The following PCDHA2 variants were observed in gnomAD, a reference collection of about 807,000 sequenced individuals.
The protein encoded by PCDHA2 is protocadherin alpha 2, also known as protocadherin alpha-2.
PCDHA2 carries 58 observed loss-of-function variants against 66.0 expected under a neutral mutation model. That is an observed-to-expected ratio of 0.88 (90% CI 0.71 to 1.09). The LOEUF is 1.09. Ranked by LOEUF, PCDHA2 falls within the 50% of genes least tolerant of loss-of-function variation. The pLI is 0.00. For missense variants in PCDHA2, 1,267 were observed against 1,242.3 expected, an observed-to-expected ratio of 1.02 and a Z score of -0.30; for synonymous variants, 634 against 554.0, an observed-to-expected ratio of 1.14 and a Z score of -2.03.
intron 1 of PCDHA2, chr5:140,829,364 G>A: frequency 6.2e-7 from 1 of 1,614,244 alleles, no homozygotes; most frequent in Non-Finnish European, 8.5e-7. Context: ...TGAGTTGGTG[G>A]TAACCGCGCG....
chr5:140,876,862 G>A (rs1554169053), intron 1 of PCDHA2: 2 of 1,614,168 alleles, frequency 1.2e-6, no homozygotes, highest in Non-Finnish European at 1.7e-6. Context: ...CACAGTGTTC[G>A]TGAAGGAGAA....
chr5:140,937,378 G>T (rs1248709474), intron 1 of PCDHA2, among the ~76,000 whole-genome samples: 1 of 152,130 alleles, frequency 6.6e-6, no homozygotes, highest in African/African-American at 2.4e-5. Context: ...GTTTATGTGT[G>T]TGTATGTGTA....
chr5:140,874,772 T>C (rs2055099588), intron 1 of PCDHA2, among the ~76,000 whole-genome samples: 1 of 152,270 alleles, frequency 6.6e-6, no homozygotes, highest in South Asian at 2.1e-4. Flanking sequence ...TCCATATTTA[T>C]GATGAATTCT....
At chr5:140,855,255 A>G (rs2043396159) in intron 1 of PCDHA2, among the ~76,000 whole-genome samples, 1 of 149,836 alleles carries the variant, frequency 6.7e-6, no homozygotes, top group Non-Finnish European at 1.5e-5. Context: ...AGCACTTACT[A>G]TATTATAATT....
At chr5:140,855,766 C>T in intron 1 of PCDHA2, 2 of 379,872 alleles carry the variant, frequency 5.3e-6, no homozygotes, top group South Asian at 9.3e-5. Flanking sequence ...AGTCCATAGA[C>T]ATAAAAATAC....
chr5:140,881,680 T>G (rs1391876461), intron 1 of PCDHA2, among the ~76,000 whole-genome samples: 1 of 152,268 alleles, frequency 6.6e-6, no homozygotes. Flanking sequence ...GTGATTGTTA[T>G]GTTTCCTTTT....
chr5:140,980,057 C>T (rs559895684), intron 2 of PCDHA2, among the ~76,000 whole-genome samples: 2 of 152,272 alleles, frequency 1.3e-5, no homozygotes, highest in East Asian at 3.9e-4. Context: ...GATTCAGAAG[C>T]AATCAGTGAA....
chr5:140,822,226 T>C, intron 1 of PCDHA2: 1 of 1,614,276 alleles, frequency 6.2e-7, no homozygotes, highest in Non-Finnish European at 8.5e-7. Context: ...AGATTCGCGG[T>C]TTCCGCTAGA....
At position 140,847,175 on chromosome 5, in the gene PCDHA2, G is replaced by A. The variant is rs1238681114; in HGVS notation, c.2388+49823G>A. ...TGATTTCTGAGTAATAAACTAAAGG[G>A]CCATGAGTGATTAAGGAATTTGGCC... is the stretch of plus-strand genomic sequence containing the variant. On this transcript the variant is annotated intron_variant, in intron 1 of 3. Transcript: ENST00000526136. Among the ~76,000 whole-genome samples the A allele has an allele frequency of 4.0e-5, 6 of 149,412 alleles. 2 individuals are homozygous for A. The highest frequency in any genetic ancestry group is 9.0e-5 in the Non-Finnish European group (6 of 66,808).
chr5:140,828,511 G>T lies in PCDHA2; in HGVS notation c.2388+31159G>T, dbSNP rs2150156254. ...TGTTCCCGGTAGAGGAACAAAGAGTGCTGATTTACGAATCTAGGCTGCCAG... is the reference window on the plus strand; with the variant it reads ...TGTTCCCGGTAGAGGAACAAAGAGTTCTGATTTACGAATCTAGGCTGCCAG... On this transcript the variant is annotated intron_variant, in intron 1 of 3. Transcript: ENST00000526136. 9 of 1,614,130 alleles carry T rather than the reference G, an allele frequency of 5.6e-6. No individual in the cohort carries two copies. The Admixed American group carries it at 1.3e-4, about 24-fold the overall frequency.
intron 3 of PCDHA2, among the ~76,000 whole-genome samples, chr5:141,009,035 G>A (rs1455230382): frequency 2.6e-5 from 4 of 152,106 alleles, no homozygotes; most frequent in Non-Finnish European, 2.9e-5. Flanking sequence ...TTCCCATCCC[G>A]TTCCCAGTCA....
intron 1 of PCDHA2, among the ~76,000 whole-genome samples, chr5:140,947,064 A>G (rs1554218040): frequency 6.6e-6 from 1 of 151,738 alleles, no homozygotes; most frequent in African/African-American, 2.4e-5. Flanking sequence ...TACACAGTGT[A>G]TATATGTATT....
At chr5:140,802,405 A>G (rs1554122100) in intron 1 of PCDHA2, 2 of 1,614,188 alleles carry the variant, frequency 1.2e-6, no homozygotes, top group Non-Finnish European at 1.7e-6. Flanking sequence ...ACCTTCAAGA[A>G]TTACTACTCA....
intron 1 of PCDHA2, among the ~76,000 whole-genome samples, chr5:140,963,886 T>C (rs1211703076): frequency 6.6e-6 from 1 of 152,236 alleles, no homozygotes; most frequent in African/African-American, 2.4e-5. Flanking sequence ...TTGTTTTCCT[T>C]AATTAAAATG....
rs548269849 is a variant in PCDHA2, at chr5:140,806,103, A to G, written c.2388+8751A>G. The stretch of plus-strand genomic sequence containing the variant: ...TAAAAGAAGAAAAAATACCTGTTCA[A>G]TTGGTTTGATCATGACATTCTTCAT... On this transcript the variant is annotated intron_variant, in intron 1 of 3. Transcript: ENST00000526136. Among the ~76,000 whole-genome samples, 18 of 152,298 alleles carry G rather than the reference A, an allele frequency of 1.2e-4. 1 individual carries two copies. The highest frequency in any genetic ancestry group is 3.6e-4 in the African/African-American group (15 of 41,572).
intron 1 of PCDHA2, chr5:140,815,025 C>T (rs1481825533): frequency 4.6e-5 from 7 of 152,110 alleles, no homozygotes; most frequent in African/African-American, 1.7e-4. Flanking sequence ...CTTTTGGTTA[C>T]AATTTGCATG....
Position 140,828,566 on chromosome 5 carries a change from G to C in PCDHA2, c.2388+31214G>C, listed in dbSNP as rs148766603. The C allele has an allele frequency of 2.0e-5, 32 of 1,614,216 alleles. No homozygotes were observed. The African/African-American group carries it at 3.6e-4, about 18-fold the overall frequency. ...TGTGTTTCCACTGGAGGGCGCGTCC[G>C]ATGCAGATGTTGGCTCAAATTCCAT... is the stretch of plus-strand genomic sequence containing the variant. On this transcript the variant is annotated intron_variant, in intron 1 of 3. Transcript: ENST00000526136.
chr5:140,865,500 G>A (rs1485481097), intron 1 of PCDHA2: 1 of 152,176 alleles, frequency 6.6e-6, no homozygotes, highest in Non-Finnish European at 1.5e-5. Flanking sequence ...GGAAAACCCT[G>A]TCCTACTTTA....
chr5:140,850,745 C>T, intron 1 of PCDHA2: 1 of 1,597,954 alleles, frequency 6.3e-7, no homozygotes. Context: ...GTTGGTCGTA[C>T]TCGCAGCAGA....
Sources: gnomAD v4.1 joint callset for allele counts (sites outside exome capture counted in the v4.1 genomes callset) on GRCh38, gnomAD v4.1.1 for gene constraint, MANE v1.5 for transcripts, NCBI Gene and HGNC (gene_info 2026-07-23, HGNC 2026-07-21) for gene names.